LDLRAD3: variants seen among roughly 807,000 people sequenced by gnomAD.
The protein encoded by LDLRAD3 is low-density lipoprotein receptor class A domain-containing protein 3.
Under a neutral mutation model 29.4 loss-of-function variants are expected in LDLRAD3, and 20 were observed. The ratio of observed to expected loss-of-function variants is 0.68; its 90% confidence interval spans 0.48 to 0.99. The LOEUF (loss-of-function observed/expected upper bound fraction) is 0.99. Ranked by LOEUF, LDLRAD3 falls within the 50% of genes least tolerant of loss-of-function variation. LDLRAD3 has a pLI of 0.00. For synonymous variants in LDLRAD3, 157 were observed against 192.7 expected (o/e 0.81, Z 1.53); for missense variants, 420 against 454.3 (o/e 0.92, Z 0.69).
intron 4 of LDLRAD3, among the ~76,000 whole-genome samples, chr11:36,104,111 T>C (rs1853491019): frequency 6.6e-6 from 1 of 152,226 alleles, no homozygotes; most frequent in Non-Finnish European, 1.5e-5. Flanking sequence ...CTGCCCTCGC[T>C]GGCTAGCTCT....
At chr11:36,170,450 G>T (rs553688334) in intron 4 of LDLRAD3, among the ~76,000 whole-genome samples, 1 of 151,846 alleles carries the variant, frequency 6.6e-6, no homozygotes, top group South Asian at 2.1e-4. Flanking sequence ...ATTGCAAATT[G>T]TGCTGCTATA....
intron 4 of LDLRAD3, among the ~76,000 whole-genome samples, chr11:36,218,535 G>C (rs72941791): frequency 0.067 from 10,241 of 152,290 alleles, 454 homozygotes; most frequent in East Asian, 0.2. Context: ...GGGCCTGGAT[G>C]TGGCCATGAG....
intron 2 of LDLRAD3, among the ~76,000 whole-genome samples, chr11:36,046,917 T>C (rs1027271705): frequency 1.3e-5 from 2 of 152,164 alleles, no homozygotes; most frequent in Admixed American, 1.3e-4. Context: ...ATTTTAAAAG[T>C]CAGGTGGATG....
chr11:36,218,682 A>G (rs1855386174), intron 4 of LDLRAD3, among the ~76,000 whole-genome samples: 1 of 152,244 alleles, frequency 6.6e-6, no homozygotes, highest in Admixed American at 6.5e-5. Context: ...CCAGATGGCC[A>G]GGTAAACATC....
intron 4 of LDLRAD3, among the ~76,000 whole-genome samples, chr11:36,115,328 G>T (rs1169653396): frequency 6.6e-6 from 1 of 152,234 alleles, no homozygotes. Context: ...GGGATGATTT[G>T]TTATGTAGTA....
chr11:36,025,607 G>T (rs1378903746), intron 1 of LDLRAD3, among the ~76,000 whole-genome samples: 4 of 151,106 alleles, frequency 2.6e-5, no homozygotes, highest in South Asian at 2.1e-4. Flanking sequence ...GCCAGGATGG[G>T]CTTGATCTCC....
intron 1 of LDLRAD3, among the ~76,000 whole-genome samples, chr11:35,956,506 A>G (rs1291391313): frequency 6.6e-6 from 1 of 152,206 alleles, no homozygotes; most frequent in Non-Finnish European, 1.5e-5. Context: ...CAAGTGATAC[A>G]TGTGCATATT....
At chr11:35,990,801 C>T (rs1396285775) in intron 1 of LDLRAD3, among the ~76,000 whole-genome samples, 4 of 152,210 alleles carry the variant, frequency 2.6e-5, no homozygotes, top group Non-Finnish European at 5.9e-5. Context: ...TGCATTAGAA[C>T]TCACCTTGAT....
intron 4 of LDLRAD3, among the ~76,000 whole-genome samples, chr11:36,150,883 C>G (rs917482193): frequency 3.9e-5 from 6 of 152,198 alleles, no homozygotes; most frequent in African/African-American, 1.4e-4. Context: ...TTCTAATGAG[C>G]CTTCCTGACC....
chr11:36,108,307 G>A (rs113674533), intron 4 of LDLRAD3, among the ~76,000 whole-genome samples: 21,321 of 108,886 alleles, frequency 0.2, 2,051 homozygotes, highest in Admixed American at 0.29. Flanking sequence ...GTGACAGAGC[G>A]AGACTCCATC....
At chr11:36,029,403 GCCAGGA>G (rs929072487) in intron 1 of LDLRAD3, among the ~76,000 whole-genome samples, 1 of 115,296 alleles carries the variant, frequency 8.7e-6, no homozygotes, top group Non-Finnish European at 2.1e-5. Flanking sequence ...CAAGGGTGGC[GCCAGGA>G]CTCAGTGCTC....
chr11:36,166,523 A>C (rs1444905555), intron 4 of LDLRAD3, among the ~76,000 whole-genome samples: 1 of 152,196 alleles, frequency 6.6e-6, no homozygotes, highest in Non-Finnish European at 1.5e-5. Flanking sequence ...CATTTGTTTG[A>C]CAAATATTTA....
At chr11:36,057,546 G>A (rs1460190297) in intron 2 of LDLRAD3, among the ~76,000 whole-genome samples, 2 of 152,054 alleles carry the variant, frequency 1.3e-5, no homozygotes, top group African/African-American at 2.4e-5. Flanking sequence ...TCTCTTAGTT[G>A]TCAGATCCAG....
chr11:36,070,449 T>A (rs1278338706), intron 2 of LDLRAD3, among the ~76,000 whole-genome samples: 1 of 152,202 alleles, frequency 6.6e-6, no homozygotes, highest in Non-Finnish European at 1.5e-5. Flanking sequence ...AGAGGCCAGT[T>A]GTTTCCTTGT....
At chr11:35,992,273 G>T (rs1052056175) in intron 1 of LDLRAD3, among the ~76,000 whole-genome samples, 3 of 152,132 alleles carry the variant, frequency 2.0e-5, no homozygotes, top group Non-Finnish European at 4.4e-5. Flanking sequence ...TCCATGAGTT[G>T]ATTAAAAATA....
intron 2 of LDLRAD3, among the ~76,000 whole-genome samples, chr11:36,074,973 G>A (rs1852972224): frequency 6.6e-6 from 1 of 152,200 alleles, no homozygotes; most frequent in African/African-American, 2.4e-5. Context: ...TTGGCCCTTG[G>A]CTGGCAGCTG....
At chr11:36,120,440 G>A (rs993032560) in intron 4 of LDLRAD3, among the ~76,000 whole-genome samples, 25 of 152,104 alleles carry the variant, frequency 1.6e-4, no homozygotes, top group African/African-American at 5.6e-4. Context: ...TATGTGCTAG[G>A]CACTCTCCTG....
At chr11:36,113,232 C>T (rs1021350492) in intron 4 of LDLRAD3, among the ~76,000 whole-genome samples, 8 of 151,906 alleles carry the variant, frequency 5.3e-5, no homozygotes, top group Non-Finnish European at 8.8e-5. Context: ...GAGATCCCAT[C>T]GTGAAGTGGC....
chr11:36,122,076 C>T (rs977160951), intron 4 of LDLRAD3, among the ~76,000 whole-genome samples: 2 of 152,132 alleles, frequency 1.3e-5, no homozygotes, highest in Admixed American at 6.5e-5. Context: ...AGCCAGGATT[C>T]GAACCCACAC....
Sources: allele counts gnomAD v4.1 joint callset (sites outside exome capture counted in the v4.1 genomes callset), GRCh38; gene constraint gnomAD v4.1.1; transcripts MANE v1.5; gene names NCBI Gene and HGNC (gene_info 2026-07-23, HGNC 2026-07-21).